Variants in SEPTIN9 observed in about 807,000 individuals in gnomAD.
SEPTIN9 encodes septin 9, also known as septin-9.
Under a neutral mutation model 56.6 loss-of-function variants are expected in SEPTIN9, and 13 were observed. The ratio of observed to expected loss-of-function variants is 0.23; its 90% CI spans 0.15 to 0.37. SEPTIN9 has a LOEUF of 0.37. Among genes scored for constraint, SEPTIN9 ranks in the 10% least tolerant of loss-of-function variants. The pLI, the probability that SEPTIN9 is intolerant of heterozygous loss-of-function variation, is 1.00. For missense variants in SEPTIN9, 650 were observed against 823.1 expected (o/e 0.79, Z 2.57); for synonymous variants, 332 against 334.1 (o/e 0.99, Z 0.07).
intron 4 of SEPTIN9, among the ~76,000 whole-genome samples, chr17:77,484,838 G>GTGA (rs146453342): frequency 0.42 from 36,451 of 85,926 alleles, 9,424 homozygotes; most frequent in African/African-American, 0.64. Flanking sequence ...GGCGATGGTG[G>GTGA]TTGTGATGGT....
rs1163950561 is a variant in SEPTIN9, at chr17:77,445,065, A to C, written c.722-37079A>C. ...CTGCGCTGCCTCACAGAAAATGTGC[A>C]GAGGCCCCTCTGTCCCACCATGCCT... is the stretch of plus-strand genomic sequence containing the variant. On this transcript the variant is annotated intron_variant, in intron 3 of 11. Transcript: ENST00000427177. The surrounding 1 kb of genome is among the most constrained non-coding windows in gnomAD (Gnocchi z 4.7). The C allele has an allele frequency of 2.5e-6, 1 of 403,034 alleles. No individual in the cohort carries two copies. The highest frequency in any genetic ancestry group is 5.2e-6 in the Non-Finnish European group (1 of 193,452). The allele number at this position is 403,034 out of a possible 1,614,324, so 25.0% of individuals were successfully genotyped here. A position where few individuals can be genotyped will look rare whatever the true frequency, so the allele number is the denominator to read the frequency against.
intron 4 of SEPTIN9, 126 bp downstream of exon 4, chr17:77,482,461 G>C (rs750243481): frequency 1.0e-6 from 1 of 966,328 alleles, no homozygotes; most frequent in South Asian, 1.4e-5. Context: ...TGACCTCAAG[G>C]ACGGATTGCC....
At chr17:77,488,906 G>A in intron 7 of SEPTIN9, 42 bp downstream of exon 7, 1 of 1,608,680 alleles carries the variant, frequency 6.2e-7, no homozygotes, top group Non-Finnish European at 8.5e-7. Flanking sequence ...CGGGTGCCCT[G>A]GGTTCCCTCT....
At chr17:77,482,710 C>A (rs775949022) in intron 4 of SEPTIN9, 14 of 582,962 alleles carry the variant, frequency 2.4e-5, no homozygotes, top group Middle Eastern at 4.4e-4. Context: ...GGCTCCCCAC[C>A]GCACCCCACC....
At position 77,461,237 on chromosome 17, in the gene SEPTIN9, C is replaced by T. The variant is rs533518324; in HGVS notation, c.722-20907C>T. On this transcript the variant is annotated intron_variant, in intron 3 of 11. Coordinates refer to ENST00000427177, the MANE Select transcript of SEPTIN9 (RefSeq NM_001113491.2). ...AGGAGAATCACTCAAATCCAGGAGGCGGAGGTTGCAGTGAGCCGAGATCAC... is the reference window on the plus strand; with the variant it reads ...AGGAGAATCACTCAAATCCAGGAGGTGGAGGTTGCAGTGAGCCGAGATCAC... Among the ~76,000 whole-genome samples, 136 of 150,768 alleles carry T rather than the reference C, an allele frequency of 9.0e-4. 1 individual carries two copies. Among genetic ancestry groups the T allele is most frequent in the African/African-American group, 3.2e-3 (132 of 40,982 alleles).
At chr17:77,352,241 CAAA>C (rs57045175) in intron 2 of SEPTIN9, among the ~76,000 whole-genome samples, 4 of 136,674 alleles carry the variant, frequency 2.9e-5, no homozygotes, top group Admixed American at 7.3e-5. Context: ...ACTAAAAATA[CAAA>C]AAAAAAAAAA....
rs1317666857 is a variant in SEPTIN9 at position 77,330,606 on chromosome 17, A to G, written c.76+23409A>G. Among the ~76,000 whole-genome samples, 1 of 152,192 alleles carries G rather than the reference A, an allele frequency of 6.6e-6. No individual in the cohort carries two copies. The highest frequency in any genetic ancestry group is 6.5e-5 in the Admixed American group (1 of 15,286). On this transcript the variant is annotated intron_variant, in intron 2 of 11. Coordinates refer to ENST00000427177, the MANE Select transcript of SEPTIN9 (RefSeq NM_001113491.2). The surrounding 1 kb of genome is among the most constrained non-coding windows in gnomAD (Gnocchi z 4.4). ...ACAACAGGGATTCAAAGAAGTCGGG[A>G]GTGGGGGCACCTGTGCAGCTCACCC...
chr17:77,482,724 C>G (rs392287), intron 4 of SEPTIN9: 217,769 of 543,384 alleles, frequency 0.4, 46,406 homozygotes, highest in Middle Eastern at 0.58. Context: ...CCCCACCGCA[C>G]CCCGGCCAGA....
At chr17:77,399,575 C>G (rs1250367741) in intron 2 of SEPTIN9, among the ~76,000 whole-genome samples, 1 of 152,184 alleles carries the variant, frequency 6.6e-6, no homozygotes, top group African/African-American at 2.4e-5. Flanking sequence ...GGCTCTGTGT[C>G]TACCCCGTAC....
intron 4 of SEPTIN9, chr17:77,483,103 C>G (rs1353167473): frequency 6.5e-6 from 1 of 154,784 alleles, no homozygotes; most frequent in Non-Finnish European, 1.4e-5. Context: ...GGGGAAGTGC[C>G]CCCGCCAGGT....
At chr17:77,426,391 C>T (rs776595506) in intron 3 of SEPTIN9, among the ~76,000 whole-genome samples, 6 of 152,126 alleles carry the variant, frequency 3.9e-5, no homozygotes, top group Admixed American at 1.3e-4. Flanking sequence ...CCAGGAGCCC[C>T]GGTGAGCTCC....
chr17:77,464,183 C>T (rs2038604783), intron 3 of SEPTIN9, among the ~76,000 whole-genome samples: 1 of 152,038 alleles, frequency 6.6e-6, no homozygotes, highest in African/African-American at 2.4e-5. Flanking sequence ...AAGTGATTCT[C>T]CAGTCTTAGC....
At chr17:77,478,143 A>G (rs1179859704) in intron 3 of SEPTIN9, among the ~76,000 whole-genome samples, 1 of 152,176 alleles carries the variant, frequency 6.6e-6, no homozygotes, top group Admixed American at 6.5e-5. Flanking sequence ...AAATCACTCT[A>G]TGGACCTCAG....
intron 1 of SEPTIN9, among the ~76,000 whole-genome samples, chr17:77,304,826 C>T (rs1425584805): frequency 2.0e-5 from 3 of 152,076 alleles, no homozygotes; most frequent in Non-Finnish European, 2.9e-5. Context: ...ACCCCGTGTG[C>T]GTTATATGCA....
intron 2 of SEPTIN9, chr17:77,373,592 G>C: frequency 6.5e-7 from 1 of 1,537,770 alleles, no homozygotes; most frequent in Non-Finnish European, 8.8e-7. Context: ...GGACGTGCTG[G>C]AGAGGACCCT....
intron 2 of SEPTIN9, among the ~76,000 whole-genome samples, chr17:77,395,442 T>A (rs2035674875): frequency 6.8e-6 from 1 of 148,028 alleles, no homozygotes. Flanking sequence ...GGCAGGAGAA[T>A]GGCGTGAACC....
intron 2 of SEPTIN9, among the ~76,000 whole-genome samples, chr17:77,320,914 C>T (rs2032896364): frequency 1.3e-5 from 2 of 152,218 alleles, no homozygotes; most frequent in Non-Finnish European, 2.9e-5. Context: ...TGTGTCCATT[C>T]ACGCTGGCAG....
chr17:77,403,106 C>T (rs952877730), intron 3 of SEPTIN9, among the ~76,000 whole-genome samples: 14 of 152,114 alleles, frequency 9.2e-5, no homozygotes, highest in African/African-American at 3.4e-4. Flanking sequence ...AGTTGAGACC[C>T]CTAGAAGGGC....
At chr17:77,386,940 C>G (rs748716493) in intron 2 of SEPTIN9, among the ~76,000 whole-genome samples, 11 of 152,328 alleles carry the variant, frequency 7.2e-5, no homozygotes, top group African/African-American at 2.6e-4. Context: ...ACTCATATCA[C>G]GAGAGAGAAG....
Sources: gnomAD v4.1 joint callset for allele counts (sites outside exome capture counted in the v4.1 genomes callset) on GRCh38, gnomAD v4.1.1 for gene constraint, Gnocchi (gnomAD v3.1) non-coding constraint, MANE v1.5 for transcripts, NCBI Gene and HGNC (gene_info 2026-07-23, HGNC 2026-07-21) for gene names.